Variants in DHPS observed in about 807,000 individuals in gnomAD.
The protein encoded by DHPS is deoxyhypusine synthase, also known as migration-inducing gene 13.
DHPS carries 24 observed loss-of-function variants against 38.7 expected under a neutral mutation model. That is an observed-to-expected ratio of 0.62 (90% CI 0.45 to 0.87). DHPS has a LOEUF of 0.87. Ranked by LOEUF, DHPS falls within the 40% of genes least tolerant of loss-of-function variation. The pLI is 0.00. For missense variants in DHPS, 510 were observed against 497.6 expected (o/e 1.02, Z -0.24); for synonymous variants, 250 against 204.4 (o/e 1.22, Z -1.90).
rs747798782 is a variant in DHPS at position 12,676,131 on chromosome 19, G to A, written c.900C>T (p.Ala300=). ...IANANLMRNG[A]DYAVYINTAQ... ...CTGTGTTGATGTAAACAGCGTAGTC[G>A]GCCCCGTTCCGCTGTGGGGAGGCGG... The change falls in exon 8 of 9, where the codon GCC becomes GCT. Residue 300 remains alanine, a synonymous_variant. Coordinates refer to ENST00000210060, the MANE Select transcript of DHPS (RefSeq NM_001930.4). 1.2e-5 allele frequency: 20 copies of A among 1,610,886 alleles called. No individual in the cohort carries two copies. Among genetic ancestry groups the A allele is most frequent in the Admixed American group, 1.0e-4 (6 of 59,804 alleles).
downstream of DHPS, chr19:12,675,501 C>A: frequency 6.2e-7 from 1 of 1,600,150 alleles, no homozygotes. Flanking sequence ...CAGATAACCA[C>A]TCCCTACCCC....
Position 12,679,848 on chromosome 19 carries a change from G to C in DHPS, c.447C>G (p.Gly149=). ...GCTCCTTCCCCCTGAGGCTAAACTC[G>C]CCCAAGTATGTGGGCGCCAGGCACT... ...LIKCLAPTYL[G]EFSLRGKELR... is the part of the protein sequence containing the mutation. Residue 149 remains glycine, a synonymous_variant, in exon 3 of 9, where the codon GGC becomes GGG. Coordinates refer to ENST00000210060, the MANE Select transcript of DHPS (RefSeq NM_001930.4). 6.2e-7 allele frequency: 1 copy of C among 1,614,110 alleles called. No individual in the cohort carries two copies. Among genetic ancestry groups the C allele is most frequent in the Non-Finnish European group, 8.5e-7 (1 of 1,180,008 alleles).
chr19:12,673,053 T>G (rs757395471), downstream of DHPS: 41 of 1,605,250 alleles, frequency 2.6e-5, no homozygotes, highest in Non-Finnish European at 3.4e-5. Context: ...CAGTGCACCC[T>G]GGTGTCCAGC....
At position 12,678,748 on chromosome 19, in the gene DHPS, G is replaced by A. The variant is rs1169164571; in HGVS notation, c.678+709C>T. Among the ~76,000 whole-genome samples, 7 of 121,956 alleles carry A rather than the reference G, an allele frequency of 5.7e-5. No individual in the cohort carries two copies. The East Asian group carries it at 1.1e-3, about 18-fold the overall frequency. 80.0% of individuals were successfully genotyped at this position (121,956 alleles called of 152,430 possible). ...CACACCATTACACTCCAGCCTGGGC[G>A]ACAGAGCAAGACTCTGTCTCAAAAA... On this transcript the variant is annotated intron_variant, in intron 5 of 8. Transcript: ENST00000210060.
At chr19:12,675,630 C>T (rs1347857515), downstream of DHPS, 1 of 1,602,718 alleles carries the variant, frequency 6.2e-7, no homozygotes, top group Non-Finnish European at 8.5e-7. Context: ...GCGTCCAGTG[C>T]TGGCGAGAGG....
At chr19:12,680,811 G>A (rs141949298) in intron 1 of DHPS, among the ~76,000 whole-genome samples, 4,933 of 148,794 alleles carry the variant, frequency 0.033, 82 homozygotes, top group Non-Finnish European at 0.037. Flanking sequence ...TGAGATTACA[G>A]GCATGAGCCA....
At chr19:12,681,482 C>G (rs1436497346) in intron 1 of DHPS, 78 bp downstream of exon 1, 1 of 1,523,644 alleles carries the variant, frequency 6.6e-7, no homozygotes, top group South Asian at 1.1e-5. Context: ...CCACTGGAAA[C>G]GCTGCCCCCG....
chr19:12,678,300 C>T (rs2024683734), intron 5 of DHPS, among the ~76,000 whole-genome samples: 1 of 151,874 alleles, frequency 6.6e-6, no homozygotes, highest in African/African-American at 2.4e-5. Context: ...TGGTGAGTTC[C>T]CATCTCTACA....
At chr19:12,680,099 G>A (rs1334641677) in intron 2 of DHPS, 62 bp downstream of exon 2, 45 of 1,597,870 alleles carry the variant, frequency 2.8e-5, no homozygotes, top group Non-Finnish European at 3.5e-5. Flanking sequence ...TCACTTAAAC[G>A]ATCAATAACT....
In DHPS at chr19:12,680,226, A is replaced by T; in HGVS notation, c.307T>A (p.Tyr103Asn). The T allele has an allele frequency of 1.9e-6, 3 of 1,614,152 alleles. No individual in the cohort carries two copies. Among genetic ancestry groups the T allele is most frequent in the Non-Finnish European group, 2.5e-6 (3 of 1,180,036 alleles). ...PLTSCTIFLG[Y>N]TSNLISSGIR... ...CCTGAACTGATGAGGTTGGATGTAT[A>T]TCCCAGGAAAATGGTGCAGCTGGTA... The change falls in exon 2 of 9, where the codon TAT (tyrosine) becomes AAT (asparagine). Residue 103 changes from tyrosine to asparagine, a missense_variant. Tyr to Asn is a moderately radical substitution (Grantham distance 143). Transcript: ENST00000210060.
intron 5 of DHPS, 80 bp downstream of exon 5, chr19:12,679,377 G>C: frequency 1.3e-5 from 17 of 1,304,184 alleles, no homozygotes; most frequent in Non-Finnish European, 1.8e-5. Flanking sequence ...TAACAGTACT[G>C]AATCCCCAGG....
rs970774207 is a variant in DHPS at position 12,679,438 on chromosome 19, C to T, written c.678+19G>A. 4.3e-6 allele frequency: 7 copies of T among 1,613,106 alleles called. No individual in the cohort carries two copies. Among genetic ancestry groups the T allele is most frequent in the Non-Finnish European group, 5.9e-6 (7 of 1,179,060 alleles). ...CACATGCCAAAGTCTGGCTACTTTG[C>T]TCCCGCTTAGGTCCTCACCTTCTGG... is the stretch of plus-strand genomic sequence containing the variant. On this transcript the variant is annotated intron_variant, in intron 5 of 8. Transcript: ENST00000210060.
rs995883582 is a variant in DHPS at position 12,677,123 on chromosome 19, G to A, written c.873C>T (p.Ala291=). The change falls in exon 7 of 9, where the codon GCC becomes GCT. Residue 291 remains alanine (A), a synonymous_variant. Transcript: ENST00000210060. ...LGGGVVKHHI[A]NANLMRNGAD... is the part of the protein sequence containing the mutation. ...CCCCACTCACCATGAGGTTGGCATTGGCAATGTGGTGCTTGACCACGCCCC... is the reference window on the plus strand; with the variant it reads ...CCCCACTCACCATGAGGTTGGCATTAGCAATGTGGTGCTTGACCACGCCCC... 1.2e-6 allele frequency: 2 copies of A among 1,614,210 alleles called. No homozygotes were observed. The highest frequency in any genetic ancestry group is 1.7e-6 in the Non-Finnish European group (2 of 1,180,026).
intron 5 of DHPS, 66 bp downstream of exon 5, chr19:12,679,391 C>G (rs2024722767): frequency 1.4e-6 from 2 of 1,438,434 alleles, no homozygotes; most frequent in South Asian, 2.3e-5. Flanking sequence ...CCCCAGGAGG[C>G]TGGAAAGATG....
downstream of DHPS, chr19:12,675,701 G>T (rs765878589): frequency 1.7e-5 from 27 of 1,596,212 alleles, no homozygotes; most frequent in South Asian, 2.2e-5. Context: ...CAGGACCAAG[G>T]ACCGAGACAC....
At chr19:12,673,329 C>G, downstream of DHPS, 2 of 1,608,750 alleles carry the variant, frequency 1.2e-6, no homozygotes, top group African/African-American at 1.3e-5. Context: ...GAGGTGCCCC[C>G]AGCCCTACTT....
At chr19:12,672,693 G>A (rs1363287700), downstream of DHPS, 22 of 718,602 alleles carry the variant, frequency 3.1e-5, no homozygotes, top group South Asian at 8.4e-5. Context: ...GGAGTAGGAC[G>A]TAATTGGCCC....
rs760865979 is a variant in DHPS at position 12,681,635 on chromosome 19, T to A, written c.132A>T (p.Ala44=). The A allele has an allele frequency of 6.2e-7, 1 of 1,614,220 alleles. No homozygotes were observed. Among genetic ancestry groups the A allele is most frequent in the African/African-American group, 1.3e-5 (1 of 75,060 alleles). Residue 44 remains alanine, a synonymous_variant, in exon 1 of 9, where the codon GCA becomes GCT. Coordinates refer to ENST00000210060, the MANE Select transcript of DHPS (RefSeq NM_001930.4). ...CGGTGGTGCCGAAGGCCTCCAGCAG[T>A]GCGCGGTAATTCACACCGCGGTTGA... ...YDFNRGVNYR[A]LLEAFGTTGF... is the part of the protein sequence containing the mutation.
At chr19:12,681,355 G>A (rs1035884624) in intron 1 of DHPS, 11 of 982,488 alleles carry the variant, frequency 1.1e-5, no homozygotes, top group East Asian at 2.7e-5. Context: ...TCAGGTTACC[G>A]TACCAGCATG....
Sources: allele counts gnomAD v4.1 joint callset (sites outside exome capture counted in the v4.1 genomes callset), GRCh38; gene constraint gnomAD v4.1.1; transcripts MANE v1.5; gene names NCBI Gene and HGNC (gene_info 2026-07-23, HGNC 2026-07-21).